PCDH7: variants seen among roughly 807,000 people sequenced by gnomAD.
PCDH7 encodes protocadherin 7.
In PCDH7, 17 loss-of-function variants were observed where a neutral mutation model predicts 58.9. That is an observed-to-expected ratio of 0.29 (90% CI 0.20 to 0.43). PCDH7 has a LOEUF of 0.43. Among genes scored for constraint, PCDH7 ranks in the 20% least tolerant of loss-of-function variants. The pLI, the probability that PCDH7 is intolerant of heterozygous loss-of-function variation, is 1.00. For missense variants in PCDH7, 1,274 were observed against 1,441.0 expected (o/e 0.88, Z 1.88); for synonymous variants, 664 against 616.4 (o/e 1.08, Z -1.14).
chr4:31,138,709 G>T (rs778602330), intron 3 of PCDH7, among the ~76,000 whole-genome samples: 3 of 152,014 alleles, frequency 2.0e-5, no homozygotes, highest in Non-Finnish European at 4.4e-5. Context: ...CTTAAAAACT[G>T]TTACTTTCTC....
At chr4:30,979,583 T>G (rs983281401) in intron 3 of PCDH7, among the ~76,000 whole-genome samples, 2 of 151,912 alleles carry the variant, frequency 1.3e-5, no homozygotes, top group Non-Finnish European at 2.9e-5. Context: ...CAGAAATTTT[T>G]GCACTCTCAA....
At chr4:31,032,593 G>C (rs1376193734) in intron 3 of PCDH7, among the ~76,000 whole-genome samples, 2 of 134,958 alleles carry the variant, frequency 1.5e-5, no homozygotes, top group Admixed American at 1.6e-4. Flanking sequence ...GGGTGATAGA[G>C]TCAGATTCTG....
chr4:30,824,115 C>A (rs550798394), intron 1 of PCDH7, among the ~76,000 whole-genome samples: 1 of 142,070 alleles, frequency 7.0e-6, no homozygotes, highest in Non-Finnish European at 1.5e-5. Flanking sequence ...TTCTTTCTTT[C>A]TTTCTTTCTT....
At position 30,985,678 on chromosome 4, in the gene PCDH7, A is replaced by G. The variant is rs2109116091; in HGVS notation, c.*7+35463A>G. Among the ~76,000 whole-genome samples the G allele has an allele frequency of 2.6e-5, 4 of 152,364 alleles. 1 individual carries two copies. The highest frequency in any genetic ancestry group is 2.6e-4 in the Admixed American group (4 of 15,308). ...TAGCATAGTACTTATCATAAAGTAG[A>G]TGCCCATCAATACGTAGTTGATCTA... On this transcript the variant is annotated intron_variant, in intron 3 of 3. Transcript: ENST00000509759.
intron 1 of PCDH7, among the ~76,000 whole-genome samples, chr4:30,863,821 G>T (rs553939143): frequency 4.6e-5 from 7 of 152,028 alleles, no homozygotes; most frequent in Non-Finnish European, 8.8e-5. Flanking sequence ...ACCCCCAAGA[G>T]AATAAATTTC....
chr4:30,915,467 G>A (rs186708711), intron 1 of PCDH7, among the ~76,000 whole-genome samples: 13 of 152,178 alleles, frequency 8.5e-5, no homozygotes, highest in African/African-American at 1.4e-4. Context: ...GAAATGTTAC[G>A]CTTCCTTGAC....
At chr4:30,999,206 G>C (rs1473440777) in intron 3 of PCDH7, among the ~76,000 whole-genome samples, 1 of 152,124 alleles carries the variant, frequency 6.6e-6, no homozygotes, top group Non-Finnish European at 1.5e-5. Flanking sequence ...ACTACTTAGA[G>C]ACCCAGGTGT....
At chr4:30,740,241 T>A (rs1408671913) in intron 1 of PCDH7, among the ~76,000 whole-genome samples, 2 of 152,168 alleles carry the variant, frequency 1.3e-5, no homozygotes, top group East Asian at 1.9e-4. Context: ...AGAATGGAAT[T>A]GGATTCCCTT....
intron 3 of PCDH7, among the ~76,000 whole-genome samples, chr4:31,114,632 AACACACACACAC>A (rs34203962): frequency 2.4e-4 from 35 of 143,684 alleles, no homozygotes; most frequent in Admixed American, 1.6e-3. Context: ...CACACATACA[AACACACACACAC>A]ACACACACAC....
At chr4:30,832,778 T>C (rs781227353) in intron 1 of PCDH7, among the ~76,000 whole-genome samples, 1 of 152,170 alleles carries the variant, frequency 6.6e-6, no homozygotes, top group African/African-American at 2.4e-5. Context: ...GAGGACACAG[T>C]TCCTCTCCTC....
intron 1 of PCDH7, among the ~76,000 whole-genome samples, chr4:30,906,641 A>T (rs1020367260): frequency 1.3e-5 from 2 of 152,232 alleles, no homozygotes; most frequent in Non-Finnish European, 2.9e-5. Flanking sequence ...ATTTGGTTCA[A>T]TAGCAGCTAC....
chr4:30,976,526 A>G (rs1386865005), intron 3 of PCDH7, among the ~76,000 whole-genome samples: 1 of 144,420 alleles, frequency 6.9e-6, no homozygotes, highest in Non-Finnish European at 1.5e-5. Context: ...TCAGCCTCCC[A>G]AGTAACTGGG....
chr4:30,936,111 AAC>A (rs1379586788), intron 2 of PCDH7, among the ~76,000 whole-genome samples: 1 of 152,112 alleles, frequency 6.6e-6, no homozygotes, highest in African/African-American at 2.4e-5. Context: ...ATCCTTATTA[AAC>A]ATACAAAAAG....
chr4:30,962,553 C>A (rs1340364700), intron 3 of PCDH7, among the ~76,000 whole-genome samples: 1 of 151,762 alleles, frequency 6.6e-6, no homozygotes, highest in Non-Finnish European at 1.5e-5. Flanking sequence ...TTGGAAAACC[C>A]AAGTGGGAGG....
chr4:31,113,856 T>C (rs1716652455), intron 3 of PCDH7, among the ~76,000 whole-genome samples: 1 of 141,680 alleles, frequency 7.1e-6, no homozygotes. Flanking sequence ...TTTTTTGAGA[T>C]GGAGAGTCAC....
chr4:30,950,249 C>T (rs1031048654), intron 3 of PCDH7: 18 of 152,536 alleles, frequency 1.2e-4, no homozygotes, highest in Admixed American at 1.1e-3. Context: ...TGTAGCTGCC[C>T]CTCTTCTGCA....
At chr4:30,745,999 C>G (rs1174844550) in intron 1 of PCDH7, among the ~76,000 whole-genome samples, 1 of 152,096 alleles carries the variant, frequency 6.6e-6, no homozygotes, top group African/African-American at 2.4e-5. Flanking sequence ...ACCACCACAT[C>G]TGGCTAATTT....
intron 3 of PCDH7, among the ~76,000 whole-genome samples, chr4:31,013,721 A>G (rs890639183): frequency 1.3e-5 from 2 of 152,010 alleles, no homozygotes; most frequent in African/African-American, 4.8e-5. Context: ...TGTTTACTGT[A>G]TATTTTACAA....
chr4:31,054,911 A>G (rs1452431420), intron 3 of PCDH7, among the ~76,000 whole-genome samples: 22 of 152,178 alleles, frequency 1.4e-4, no homozygotes. Flanking sequence ...TATGAAATCT[A>G]TCAACCTGCC....
Sources: gnomAD v4.1 joint callset for allele counts (sites outside exome capture counted in the v4.1 genomes callset) on GRCh38, gnomAD v4.1.1 for gene constraint, MANE v1.5 for transcripts, NCBI Gene and HGNC (gene_info 2026-07-23, HGNC 2026-07-21) for gene names.